GYS2: variants seen among roughly 807,000 people sequenced by gnomAD.
GYS2 encodes the protein glycogen synthase 2.
In GYS2, 80 loss-of-function variants were observed where a neutral mutation model predicts 85.6. That is an observed-to-expected ratio of 0.93 (90% confidence interval 0.78 to 1.13). The LOEUF (loss-of-function observed/expected upper bound fraction) is 1.13. Among genes scored for constraint, GYS2 ranks in the 50% most tolerant of loss-of-function variants. GYS2 has a pLI of 0.00. For synonymous variants in GYS2, 328 were observed against 300.7 expected (o/e 1.09, Z -0.94); for missense variants, 881 against 854.9 (o/e 1.03, Z -0.38).
At chr12:21,551,359 T>C (rs551566971) in intron 11 of GYS2, among the ~76,000 whole-genome samples, 3 of 152,246 alleles carry the variant, frequency 2.0e-5, no homozygotes, top group African/African-American at 7.2e-5. Context: ...CATTATATTG[T>C]ATAACATTTT....
In GYS2 at chr12:21,563,216, A is replaced by G; in HGVS notation, c.941+12T>C. Reference sequence around the variant, plus strand: ...TGATACTTCTTTTTCTTTTTAATAAAGAAAATCATACCCATAGAAATGACC... The same window carrying G: ...TGATACTTCTTTTTCTTTTTAATAAGGAAAATCATACCCATAGAAATGACC... On this transcript the variant is annotated intron_variant, in intron 6 of 15. Transcript: ENST00000261195. The G allele has an allele frequency of 1.4e-6, 2 of 1,475,680 alleles. No homozygotes were observed. The highest frequency in any genetic ancestry group is 1.1e-5 in the South Asian group (1 of 88,216). 91.4% of individuals were successfully genotyped at this position (1,475,680 alleles called of 1,614,324 possible). A position where few individuals can be genotyped will look rare whatever the true frequency, so the allele number is the denominator to read the frequency against.
In GYS2 at chr12:21,568,958, T is replaced by G; in HGVS notation, c.730A>C (p.Met244Leu). Residue 244 changes from methionine to leucine, a missense_variant, in exon 5 of 16, where the codon ATG (methionine) becomes CTG (leucine). Met to Leu is a conservative substitution (Grantham distance 15). Transcript: ENST00000261195. Reference protein sequence around the residue: ...GERQIYHRYCMERASVHCAHV... With the variant: ...GERQIYHRYCLERASVHCAHV... Reference sequence around the variant, plus strand: ...GCGCAATGAACGGAAGCTCGCTCCATGCAGTACCGGTGGTAAATCTGCCTT... The same window carrying G: ...GCGCAATGAACGGAAGCTCGCTCCAGGCAGTACCGGTGGTAAATCTGCCTT... 6.2e-7 allele frequency: 1 copy of G among 1,613,914 alleles called. No homozygotes were observed. Among genetic ancestry groups the G allele is most frequent in the South Asian group, 1.1e-5 (1 of 91,074 alleles).
chr12:21,537,379 CTGAAA>C, intron 15 of GYS2: 1 of 599,652 alleles, frequency 1.7e-6, no homozygotes, highest in South Asian at 2.0e-5. Context: ...TTATTAAGTA[CTGAAA>C]TGTGCTAAGT....
At chr12:21,566,350 CT>C (rs915482603) in intron 5 of GYS2, among the ~76,000 whole-genome samples, 108 of 141,812 alleles carry the variant, frequency 7.6e-4, no homozygotes, top group East Asian at 1.0e-3. Flanking sequence ...ACTATGTGAT[CT>C]TTTTTTTTTT....
intron 12 of GYS2, among the ~76,000 whole-genome samples, chr12:21,543,269 A>G (rs1241067938): frequency 1.3e-5 from 2 of 152,180 alleles, no homozygotes; most frequent in East Asian, 1.9e-4. Flanking sequence ...TGAAAAAAAG[A>G]TCTTCCCATT....
chr12:21,584,617 A>G (rs1271385797), intron 1 of GYS2, among the ~76,000 whole-genome samples: 1 of 152,142 alleles, frequency 6.6e-6, no homozygotes, highest in East Asian at 1.9e-4. Context: ...GACCAACACT[A>G]AGCCCTTGAT....
chr12:21,578,329 T>A (rs1026251595), intron 2 of GYS2, among the ~76,000 whole-genome samples: 4 of 152,212 alleles, frequency 2.6e-5, no homozygotes, highest in African/African-American at 9.6e-5. Flanking sequence ...TGAATTAAAC[T>A]ATTAATTCAA....
chr12:21,551,518 TA>T (rs5796909), intron 11 of GYS2, among the ~76,000 whole-genome samples: 5 of 149,082 alleles, frequency 3.4e-5, no homozygotes, highest in African/African-American at 7.4e-5. Context: ...AGGATTAAAG[TA>T]AAAAAAAAAG....
At chr12:21,555,466 A>G (rs1944167809) in intron 11 of GYS2, among the ~76,000 whole-genome samples, 1 of 152,144 alleles carries the variant, frequency 6.6e-6, no homozygotes, top group Non-Finnish European at 1.5e-5. Flanking sequence ...AACCACTTAT[A>G]ATGAAAGGGG....
At chr12:21,565,989 T>C (rs1944316301) in intron 5 of GYS2, among the ~76,000 whole-genome samples, 1 of 152,150 alleles carries the variant, frequency 6.6e-6, no homozygotes, top group South Asian at 2.1e-4. Flanking sequence ...TAAAGCAACA[T>C]AAGATATTTA....
chr12:21,592,240 A>C (rs532409957), intron 1 of GYS2, among the ~76,000 whole-genome samples: 17 of 152,148 alleles, frequency 1.1e-4, no homozygotes, highest in East Asian at 3.9e-4. Flanking sequence ...TAAAAAAAAA[A>C]CAAAACAACC....
At chr12:21,598,044 G>A (rs1445015105) in intron 1 of GYS2, among the ~76,000 whole-genome samples, 6 of 151,986 alleles carry the variant, frequency 3.9e-5, no homozygotes, top group Non-Finnish European at 7.4e-5. Flanking sequence ...GGTAGAGAAA[G>A]GTGTGTACGT....
Position 21,604,637 on chromosome 12 carries a change from T to C in GYS2, c.-45A>G. On this transcript the variant is annotated 5_prime_UTR_variant, in exon 1 of 16. Coordinates refer to ENST00000261195, the MANE Select transcript of GYS2 (RefSeq NM_021957.4). ...GACTCCTTTGAATTCCTGTTTCAATTAGTTGTAATCCCAGGAGAAGAGAAC... is the reference window on the plus strand; with the variant it reads ...GACTCCTTTGAATTCCTGTTTCAATCAGTTGTAATCCCAGGAGAAGAGAAC... 2.5e-6 allele frequency: 4 copies of C among 1,610,228 alleles called. No individual in the cohort carries two copies. Among genetic ancestry groups the C allele is most frequent in the Non-Finnish European group, 3.4e-6 (4 of 1,177,330 alleles).
At chr12:21,599,316 G>T (rs1029675176) in intron 1 of GYS2, among the ~76,000 whole-genome samples, 1 of 152,110 alleles carries the variant, frequency 6.6e-6, no homozygotes, top group African/African-American at 2.4e-5. Context: ...TTATAAGGCA[G>T]CAGGTCTGGT....
At position 21,560,449 on chromosome 12, in the gene GYS2, GGCATAA is replaced by G; in HGVS notation, c.1100_1105del (p.Ile367_Pro369delinsThr). The G allele has an allele frequency of 6.2e-7, 1 of 1,608,880 alleles. No homozygotes were observed. ...CACGTTGAAATTATTTGTCTTGGCA[GGCATAA>G]TGAAAAACACCATCACTGTGATGTC... On this transcript the variant is annotated inframe_deletion, in exon 8 of 16. Transcript: ENST00000261195.
At chr12:21,533,262 C>T (rs1267824210), downstream of GYS2, among the ~76,000 whole-genome samples, 2 of 152,194 alleles carry the variant, frequency 1.3e-5, no homozygotes, top group Non-Finnish European at 2.9e-5. Context: ...GTTGCCTTCG[C>T]TCCCTCAATA....
chr12:21,580,288 C>T (rs1462491397), intron 2 of GYS2, 54 bp downstream of exon 2: 5 of 1,467,462 alleles, frequency 3.4e-6, no homozygotes, highest in Admixed American at 3.3e-5. Flanking sequence ...TAGTTACAGT[C>T]TTTTTTCCCA....
At chr12:21,564,729 T>C (rs1192157595) in intron 5 of GYS2, among the ~76,000 whole-genome samples, 2 of 152,218 alleles carry the variant, frequency 1.3e-5, no homozygotes, top group Non-Finnish European at 1.5e-5. Context: ...TTTATCTTTC[T>C]ACAGCAATTA....
chr12:21,558,237 C>G lies in GYS2; in HGVS notation c.1385G>C (p.Arg462Pro). ...TGTGCGGTTGTTGAAAAGTCCAATC[C>G]GTCTAATGGTGCTGAGGATGGGGTC... ...STDPILSTIR[R>P]IGLFNNRTDR... Residue 462 changes from arginine (R) to proline (P), a missense_variant, in exon 11 of 16, where the codon CGG becomes CCG. Transcript: ENST00000261195. 6.2e-7 allele frequency: 1 copy of G among 1,613,636 alleles called. No homozygotes were observed. The highest frequency in any genetic ancestry group is 8.5e-7 in the Non-Finnish European group (1 of 1,179,612).
Sources: allele counts gnomAD v4.1 joint callset (sites outside exome capture counted in the v4.1 genomes callset), GRCh38; gene constraint gnomAD v4.1.1; transcripts MANE v1.5; gene names NCBI Gene and HGNC (gene_info 2026-07-23, HGNC 2026-07-21).